RSPRY1: variants seen among roughly 807,000 people sequenced by gnomAD.
The protein encoded by RSPRY1 is ring finger and SPRY domain containing 1.
RSPRY1 carries 23 observed loss-of-function variants against 73.1 expected under a neutral mutation model. The observed-to-expected ratio is 0.31, with a 90% CI of 0.23 to 0.45. RSPRY1 has a LOEUF of 0.45. Among genes scored for constraint, RSPRY1 ranks in the 20% least tolerant of loss-of-function variants. The pLI, the probability that RSPRY1 is intolerant of heterozygous loss-of-function variation, is 1.00. For synonymous variants in RSPRY1, 226 were observed against 251.4 expected (o/e 0.90, Z 0.95); for missense variants, 448 against 698.7 (o/e 0.64, Z 4.05).
intron 1 of RSPRY1, among the ~76,000 whole-genome samples, chr16:57,203,314 CAAATAA>C (rs2074660760): frequency 6.6e-6 from 1 of 152,056 alleles, no homozygotes; most frequent in African/African-American, 2.4e-5. Context: ...AATAAATAAA[CAAATAA>C]AATAATGGGA....
intron 4 of RSPRY1, 54 bp from the exon 5 acceptor site, chr16:57,212,918 G>A (rs2074871484): frequency 3.2e-6 from 5 of 1,553,512 alleles, no homozygotes; most frequent in Admixed American, 2.0e-5. Context: ...ATGAGCCTGG[G>A]AAAACAACCT....
chr16:57,220,959 G>A, intron 9 of RSPRY1, 112 bp downstream of exon 9: 2 of 802,730 alleles, frequency 2.5e-6, no homozygotes, highest in East Asian at 5.3e-5. Context: ...CTGTATTTTG[G>A]AAATGTTGCT....
chr16:57,218,840 A>G lies in RSPRY1; in HGVS notation c.901+1805A>G, dbSNP rs868721596. 1.9e-4 allele frequency among the ~76,000 whole-genome samples: 23 copies of G among 122,732 alleles called. 1 individual carries two copies. Among genetic ancestry groups the G allele is most frequent in the Non-Finnish European group, 3.2e-4 (20 of 62,908 alleles). 80.5% of individuals were successfully genotyped at this position (122,732 alleles called of 152,430 possible). Reference sequence around the variant, plus strand: ...AAGCTCTGCCTCCCGGGTTCACGCCATTCTCCTGCCTCAGCCTCCCAAGTA... The same window carrying G: ...AAGCTCTGCCTCCCGGGTTCACGCCGTTCTCCTGCCTCAGCCTCCCAAGTA... On this transcript the variant is annotated intron_variant, in intron 8 of 14. Coordinates refer to ENST00000394420, the MANE Select transcript of RSPRY1 (RefSeq NM_133368.3).
At chr16:57,227,319 T>C in intron 10 of RSPRY1, 23 bp from the exon 11 acceptor site, 1 of 1,551,004 alleles carries the variant, frequency 6.4e-7, no homozygotes, top group Non-Finnish European at 8.9e-7. Flanking sequence ...CTTGCTAATC[T>C]TCTGGGCCTT....
chr16:57,230,825 T>G lies in RSPRY1; in HGVS notation c.1376+12T>G. On this transcript the variant is annotated intron_variant, in intron 12 of 14. Transcript: ENST00000394420. ...TTTTCATCTACTGTGTAAGTAGCTC[T>G]TCTCAGTCAAAAATTCGAGTAGATG... 1.3e-6 allele frequency: 2 copies of G among 1,515,510 alleles called. No individual in the cohort carries two copies. The highest frequency in any genetic ancestry group is 1.8e-6 in the Non-Finnish European group (2 of 1,093,806). 93.9% of individuals were successfully genotyped at this position (1,515,510 alleles called of 1,614,324 possible).
intron 14 of RSPRY1, among the ~76,000 whole-genome samples, chr16:57,235,854 G>A (rs140338070): frequency 1.3e-3 from 193 of 152,286 alleles, no homozygotes; most frequent in African/African-American, 4.4e-3. Flanking sequence ...TTAGTCACGT[G>A]GCTCCACAGG....
rs1555504485 is a variant in RSPRY1 at position 57,240,363 on chromosome 16, A to AAAT, written c.*1389_*1390insATA. On this transcript the variant is annotated 3_prime_UTR_variant, in exon 15 of 15. Coordinates refer to ENST00000394420, the MANE Select transcript of RSPRY1 (RefSeq NM_133368.3). ...TCCACACACACACACACACACAAAA[A>AAAT]ATATATATATATATAAATATATATG... 4.0e-5 allele frequency: 6 copies of AAAT among 150,352 alleles called. No individual in the cohort carries two copies. Among genetic ancestry groups the AAAT allele is most frequent in the African/African-American group, 1.2e-4 (5 of 41,034 alleles). 9.3% of individuals were successfully genotyped at this position (150,352 alleles called of 1,614,324 possible).
intron 13 of RSPRY1, among the ~76,000 whole-genome samples, chr16:57,232,201 C>T (rs1449499443): frequency 2.0e-5 from 3 of 152,128 alleles, no homozygotes; most frequent in East Asian, 1.9e-4. Context: ...ATATCTGTAA[C>T]GTAATCCTAG....
chr16:57,232,169 T>G (rs1448898431), intron 13 of RSPRY1, among the ~76,000 whole-genome samples: 2 of 152,194 alleles, frequency 1.3e-5, no homozygotes, highest in South Asian at 4.1e-4. Flanking sequence ...ATAGCTAATG[T>G]CGGACTGGTA....
At chr16:57,219,230 C>T (rs2074995598) in intron 8 of RSPRY1, among the ~76,000 whole-genome samples, 1 of 152,190 alleles carries the variant, frequency 6.6e-6, no homozygotes, top group African/African-American at 2.4e-5. Context: ...TTTGAGGAAC[C>T]TCCATACTGT....
intron 4 of RSPRY1, among the ~76,000 whole-genome samples, chr16:57,210,439 A>T (rs559675397): frequency 1.1e-4 from 17 of 152,250 alleles, no homozygotes; most frequent in Non-Finnish European, 2.1e-4. Flanking sequence ...GCGGTGGTTC[A>T]CGCCTGTAAT....
At chr16:57,234,019 T>A (rs1228701433) in intron 13 of RSPRY1, among the ~76,000 whole-genome samples, 1 of 152,226 alleles carries the variant, frequency 6.6e-6, no homozygotes, top group Non-Finnish European at 1.5e-5. Context: ...TCTTATTCAC[T>A]GAACGGAAAA....
chr16:57,220,649 G>C, intron 8 of RSPRY1, 83 bp from the exon 9 acceptor site: 1 of 775,986 alleles, frequency 1.3e-6, no homozygotes, highest in Non-Finnish European at 2.2e-6. Context: ...TCTTCCTCTT[G>C]TCTGATTGCT....
chr16:57,214,626 TATGATTTCA>T (rs2074905916), intron 6 of RSPRY1, among the ~76,000 whole-genome samples: 1 of 152,266 alleles, frequency 6.6e-6, no homozygotes, highest in Non-Finnish European at 1.5e-5. Context: ...ATGGCAGTCC[TATGATTTCA>T]AGAGGTTTAT....
chr16:57,196,697 G>A (rs887360435), intron 1 of RSPRY1, among the ~76,000 whole-genome samples: 8 of 152,152 alleles, frequency 5.3e-5, no homozygotes, highest in East Asian at 1.9e-4. Context: ...ACTTCAGTAC[G>A]GGGTAGTTCT....
chr16:57,201,035 T>C lies in RSPRY1; in HGVS notation c.-155-3469T>C, dbSNP rs993016887. Among the ~76,000 whole-genome samples the C allele has an allele frequency of 7.2e-4, 76 of 105,360 alleles. 1 individual carries two copies. The highest frequency in any genetic ancestry group is 4.6e-3 in the East Asian group (14 of 3,064). 69.1% of individuals were successfully genotyped at this position (105,360 alleles called of 152,430 possible). A position where few individuals can be genotyped will look rare whatever the true frequency, so the allele number is the denominator to read the frequency against. On this transcript the variant is annotated intron_variant, in intron 1 of 14. Coordinates refer to ENST00000394420, the MANE Select transcript of RSPRY1 (RefSeq NM_133368.3). ...CTGACCCCCCCACCTCCCTCCCGGA[T>C]GGGCGGCTGGCCGGGCGGGGGGCTG...
chr16:57,200,176 A>G (rs2074542132), intron 1 of RSPRY1, among the ~76,000 whole-genome samples: 1 of 148,192 alleles, frequency 6.7e-6, no homozygotes, highest in Admixed American at 6.8e-5. Context: ...AATCCATTCA[A>G]CCCTGAGTGG....
chr16:57,237,884 T>C (rs1328898418), intron 14 of RSPRY1, among the ~76,000 whole-genome samples: 1 of 152,134 alleles, frequency 6.6e-6, no homozygotes, highest in African/African-American at 2.4e-5. Flanking sequence ...AGCTAATTTT[T>C]GTATTTTTAG....
chr16:57,201,382 C>A (rs1382995381), intron 1 of RSPRY1, among the ~76,000 whole-genome samples: 2 of 151,168 alleles, frequency 1.3e-5, no homozygotes, highest in Admixed American at 1.3e-4. Flanking sequence ...AGAGGCACTC[C>A]CCACATCTCA....
Sources: gnomAD v4.1 joint callset for allele counts (sites outside exome capture counted in the v4.1 genomes callset) on GRCh38, gnomAD v4.1.1 for gene constraint, MANE v1.5 for transcripts, NCBI Gene and HGNC (gene_info 2026-07-23, HGNC 2026-07-21) for gene names.